The following CEP97 variants were observed in gnomAD, a reference collection of about 807,000 sequenced individuals.
CEP97 encodes centrosomal protein 97.
CEP97 carries 43 observed loss-of-function variants against 73.1 expected under a neutral mutation model. The observed-to-expected ratio is 0.59, with a 90% CI of 0.46 to 0.76. The LOEUF is 0.76. Among genes scored for constraint, CEP97 ranks in the 30% least tolerant of loss-of-function variants. The probability of loss-of-function intolerance (pLI) is 0.00; values close to 1 mark genes in which losing one functional copy is unlikely to be tolerated. For missense variants in CEP97, 939 were observed against 1,014.0 expected (o/e 0.93, Z 1.00); for synonymous variants, 337 against 370.0 (o/e 0.91, Z 1.02).
chr3:101,729,667 A>G (rs1009339121), intron 4 of CEP97, among the ~76,000 whole-genome samples: 3 of 152,084 alleles, frequency 2.0e-5, no homozygotes, highest in African/African-American at 7.2e-5. Flanking sequence ...TCCCAGGCTC[A>G]AGTGATCCTC....
At chr3:101,741,911 G>A (rs542115876) in intron 6 of CEP97, among the ~76,000 whole-genome samples, 51 of 151,962 alleles carry the variant, frequency 3.4e-4, no homozygotes, top group East Asian at 9.7e-4. Flanking sequence ...GTGTGGTGGC[G>A]CGCACCTGTA....
At chr3:101,742,053 A>C (rs868685162) in intron 6 of CEP97, among the ~76,000 whole-genome samples, 2 of 141,890 alleles carry the variant, frequency 1.4e-5, no homozygotes, top group South Asian at 4.4e-4. Context: ...AAAAAAAAAA[A>C]ACAAAAAAAC....
intron 6 of CEP97, among the ~76,000 whole-genome samples, chr3:101,740,746 C>T (rs373012247): frequency 5.9e-5 from 9 of 152,128 alleles, no homozygotes; most frequent in East Asian, 3.9e-4. Context: ...TGCGCCACCA[C>T]GCCTGGCTAA....
intron 6 of CEP97, among the ~76,000 whole-genome samples, chr3:101,733,145 G>A (rs1428608928): frequency 2.6e-5 from 4 of 151,870 alleles, no homozygotes; most frequent in African/African-American, 7.3e-5. Flanking sequence ...AAGAAATCTC[G>A]GCCCCAGAGA....
rs1398158585 is a variant in CEP97, at chr3:101,758,383, A to G, written c.1777A>G (p.Met593Val). Residue 593 changes from methionine (M) to valine (V), a missense_variant, in exon 9 of 11, where the codon ATG becomes GTG. Transcript: ENST00000341893. ...GCGTTACGAAATCCGGCTACGCAGA[A>G]TGCAAGAGCACATTGTCTGCTTAAC... ...DVRYEIRLRRMQEHIVCLTDE... is the reference protein window; with the variant it reads ...DVRYEIRLRRVQEHIVCLTDE... 1 of 1,614,058 alleles carries G rather than the reference A, an allele frequency of 6.2e-7. No homozygotes were observed.
chr3:101,729,949 C>T (rs780879696), intron 4 of CEP97, among the ~76,000 whole-genome samples: 27 of 151,936 alleles, frequency 1.8e-4, no homozygotes, highest in Admixed American at 5.2e-4. Context: ...GGATTATAGG[C>T]GCCCACCACC....
intron 6 of CEP97, among the ~76,000 whole-genome samples, chr3:101,736,470 G>C (rs936420067): frequency 6.6e-6 from 1 of 152,224 alleles, no homozygotes; most frequent in African/African-American, 2.4e-5. Flanking sequence ...CATTTGGTGA[G>C]TGCCCCTCTA....
At chr3:101,748,705 A>G (rs750931546) in intron 6 of CEP97, among the ~76,000 whole-genome samples, 2 of 152,156 alleles carry the variant, frequency 1.3e-5, no homozygotes, top group Non-Finnish European at 2.9e-5. Context: ...CAGTGGCGCA[A>G]TCTCGGCTTA....
chr3:101,732,958 C>CA (rs35126588), intron 6 of CEP97, among the ~76,000 whole-genome samples: 43,002 of 133,560 alleles, frequency 0.32, 6,600 homozygotes, highest in East Asian at 0.38. Flanking sequence ...GACCACATCT[C>CA]AAAAAAAAAA....
chr3:101,754,680 G>C lies in CEP97; in HGVS notation c.729-750G>C, dbSNP rs578098277. ...CTCTCTTGAATCTCTCAATCTATCTGTCTTTGTTCTATTTTCTTTGCTTTC... is the reference window on the plus strand; with the variant it reads ...CTCTCTTGAATCTCTCAATCTATCTCTCTTTGTTCTATTTTCTTTGCTTTC... On this transcript the variant is annotated intron_variant, in intron 6 of 10. Coordinates refer to ENST00000341893, the MANE Select transcript of CEP97 (RefSeq NM_024548.4). Among the ~76,000 whole-genome samples the C allele has an allele frequency of 2.0e-5, 3 of 152,170 alleles. No homozygotes were observed. The South Asian group carries it at 6.2e-4, about 32-fold the overall frequency.
chr3:101,743,357 G>A (rs951922047), intron 6 of CEP97, among the ~76,000 whole-genome samples: 2 of 150,952 alleles, frequency 1.3e-5, no homozygotes, highest in African/African-American at 4.9e-5. Flanking sequence ...TTTTTTTCCT[G>A]GTTATTATGG....
rs1474306290 is a variant in CEP97 at position 101,768,977 on chromosome 3, T to A, written c.*3426T>A. On this transcript the variant is annotated 3_prime_UTR_variant, in exon 11 of 11. Coordinates refer to ENST00000341893, the MANE Select transcript of CEP97 (RefSeq NM_024548.4). ...TTATTTAGTCATATAATCGTTTGTA[T>A]ATATGTAAATAACTTTATTCTGGAA... 6.6e-6 allele frequency: 1 copy of A among 152,204 alleles called. No homozygotes were observed. Among genetic ancestry groups the A allele is most frequent in the African/African-American group, 2.4e-5 (1 of 41,448 alleles). The allele number at this position is 152,204 out of a possible 1,614,324, so 9.4% of individuals were successfully genotyped here.
In CEP97 at chr3:101,764,465, G is replaced by A. The variant is rs185053933; in HGVS notation, c.1894-382G>A. On this transcript the variant is annotated intron_variant, in intron 10 of 10. Transcript: ENST00000341893. ...TGTCTCTACTAAAAATAGAAAATTA[G>A]CCAGGTGTGATGGTGGGTGCCTGTA... Among the ~76,000 whole-genome samples the A allele has an allele frequency of 4.7e-3, 721 of 152,216 alleles. 21 individuals carry two copies. The highest frequency in any genetic ancestry group is 0.042 in the Admixed American group (635 of 15,278).
At position 101,769,255 on chromosome 3, in the gene CEP97, A is replaced by G. The variant is rs1008776445; in HGVS notation, c.*3704A>G. The G allele has an allele frequency of 1.2e-4, 19 of 152,274 alleles. No individual in the cohort carries two copies. Among genetic ancestry groups the G allele is most frequent in the African/African-American group, 4.6e-4 (19 of 41,552 alleles). The allele number at this position is 152,274 out of a possible 1,614,324, so 9.4% of individuals were successfully genotyped here. On this transcript the variant is annotated 3_prime_UTR_variant, in exon 11 of 11. Transcript: ENST00000341893. ...GTTTTTCCTCGGGAGTTAAGATGGT[A>G]AAAAGAAAAAAATAGAATGAATATG...
intron 6 of CEP97, among the ~76,000 whole-genome samples, chr3:101,752,350 G>A (rs1468394174): frequency 4.6e-5 from 7 of 152,010 alleles, no homozygotes; most frequent in Admixed American, 1.3e-4. Context: ...TTTCAACTTT[G>A]GTGAATCTGA....
chr3:101,733,184 T>TA (rs1938167484), intron 6 of CEP97, among the ~76,000 whole-genome samples: 1 of 152,184 alleles, frequency 6.6e-6, no homozygotes. Flanking sequence ...GTGCCCTACA[T>TA]ACAACAATTT....
At chr3:101,745,270 T>C (rs1027560016) in intron 6 of CEP97, among the ~76,000 whole-genome samples, 2 of 152,196 alleles carry the variant, frequency 1.3e-5, no homozygotes, top group Non-Finnish European at 2.9e-5. Flanking sequence ...ATTTTCTTTT[T>C]AATTTTCAGA....
At chr3:101,754,039 C>T (rs1188447785) in intron 6 of CEP97, among the ~76,000 whole-genome samples, 2 of 126,764 alleles carry the variant, frequency 1.6e-5, no homozygotes, top group Admixed American at 9.4e-5. Flanking sequence ...CCTATTTGGC[C>T]ATCTTTTTTT....
At chr3:101,750,555 G>A (rs1033979375) in intron 6 of CEP97, among the ~76,000 whole-genome samples, 1 of 152,166 alleles carries the variant, frequency 6.6e-6, no homozygotes, top group African/African-American at 2.4e-5. Flanking sequence ...ACTCTTTTTG[G>A]TTGGTAAGGT....
Sources: allele counts gnomAD v4.1 joint callset (sites outside exome capture counted in the v4.1 genomes callset), GRCh38; gene constraint gnomAD v4.1.1; transcripts MANE v1.5; gene names NCBI Gene and HGNC (gene_info 2026-07-23, HGNC 2026-07-21).